The following OSBPL10 variants were observed in gnomAD, a reference collection of about 807,000 sequenced individuals.
OSBPL10 encodes oxysterol-binding protein-related protein 10.
OSBPL10 carries 49 observed loss-of-function variants against 81.7 expected under a neutral mutation model. That is an observed-to-expected ratio of 0.60 (90% CI 0.48 to 0.76). The LOEUF is 0.76. OSBPL10 is among the 30% of genes least tolerant of loss of function. The probability of loss-of-function intolerance (pLI) is 0.00; values close to 1 mark genes in which losing one functional copy is unlikely to be tolerated. For synonymous variants in OSBPL10, 419 were observed against 383.6 expected, an observed-to-expected ratio of 1.09 and a Z score of -1.08; for missense variants, 923 against 987.8, an observed-to-expected ratio of 0.93 and a Z score of 0.88.
intron 3 of OSBPL10, among the ~76,000 whole-genome samples, chr3:31,868,058 GA>G (rs772268332): frequency 1.6e-3 from 225 of 141,534 alleles, no homozygotes; most frequent in Admixed American, 2.5e-3. Context: ...GAACGTACAA[GA>G]AAAAAAAAAA....
At chr3:31,714,460 G>T (rs1454304803) in intron 6 of OSBPL10, among the ~76,000 whole-genome samples, 1 of 152,126 alleles carries the variant, frequency 6.6e-6, no homozygotes, top group Admixed American at 6.5e-5. Flanking sequence ...GAGGCAGCGG[G>T]GTGGAGTGAG....
chr3:32,069,970 G>A (rs1034736467), intron 1 of OSBPL10, among the ~76,000 whole-genome samples: 6 of 152,154 alleles, frequency 3.9e-5, no homozygotes, highest in Non-Finnish European at 7.3e-5. Flanking sequence ...CTGGAGGTTG[G>A]ACTCTCCGAC....
intron 6 of OSBPL10, among the ~76,000 whole-genome samples, chr3:31,712,234 C>T (rs1461987446): frequency 1.3e-5 from 2 of 152,222 alleles, no homozygotes; most frequent in South Asian, 2.1e-4. Context: ...CAAGTTCAGC[C>T]TTCTCCCCTG....
At chr3:31,749,792 G>A (rs1000712940) in intron 4 of OSBPL10, among the ~76,000 whole-genome samples, 4 of 152,018 alleles carry the variant, frequency 2.6e-5, no homozygotes, top group Non-Finnish European at 5.9e-5. Context: ...TCCAGCCTGG[G>A]TGACAGAGTG....
chr3:31,886,670 G>A (rs759293481), intron 1 of OSBPL10, among the ~76,000 whole-genome samples: 2 of 152,168 alleles, frequency 1.3e-5, no homozygotes, highest in Non-Finnish European at 2.9e-5. Flanking sequence ...GGCCGGATGC[G>A]GTGGATCACG....
At chr3:31,681,819 A>G (rs556182034) in intron 8 of OSBPL10, among the ~76,000 whole-genome samples, 1 of 152,228 alleles carries the variant, frequency 6.6e-6, no homozygotes, top group South Asian at 2.1e-4. Context: ...TAAATATTTT[A>G]TCTCAGCCAG....
At chr3:31,912,021 G>C in intron 1 of OSBPL10, among the ~76,000 whole-genome samples, 1 of 151,692 alleles carries the variant, frequency 6.6e-6, no homozygotes, top group Non-Finnish European at 1.5e-5. Context: ...TTAATGCCAC[G>C]GTACAGTATG....
intron 4 of OSBPL10, among the ~76,000 whole-genome samples, chr3:31,792,524 G>A (rs1699040854): frequency 6.6e-6 from 1 of 152,144 alleles, no homozygotes; most frequent in African/African-American, 2.4e-5. Context: ...TTTCTGTTTT[G>A]TTGCAGCGGG....
intron 1 of OSBPL10, chr3:32,077,394 A>C (rs1445283423): frequency 6.6e-6 from 1 of 152,210 alleles, no homozygotes; most frequent in Non-Finnish European, 1.5e-5. Context: ...TTATCACATT[A>C]CCTCTCTAAA....
chr3:31,925,846 G>A (rs1007072796), intron 1 of OSBPL10, among the ~76,000 whole-genome samples: 6 of 152,102 alleles, frequency 3.9e-5, no homozygotes, highest in Admixed American at 2.0e-4. Context: ...TAATTATGCC[G>A]GGACAAGAAG....
intron 4 of OSBPL10, among the ~76,000 whole-genome samples, chr3:31,751,073 A>G (rs1697702065): frequency 6.6e-6 from 1 of 152,112 alleles, no homozygotes; most frequent in South Asian, 2.1e-4. Flanking sequence ...TGGGAGGCCA[A>G]GGAGGGCAGA....
At chr3:31,886,222 AAAC>A in intron 1 of OSBPL10, among the ~76,000 whole-genome samples, 1 of 152,274 alleles carries the variant, frequency 6.6e-6, no homozygotes, top group South Asian at 2.1e-4. Context: ...GTGAAAATTA[AAAC>A]AACAAGCATA....
intron 3 of OSBPL10, among the ~76,000 whole-genome samples, chr3:31,831,730 C>T (rs1700247188): frequency 6.6e-6 from 1 of 152,192 alleles, no homozygotes; most frequent in African/African-American, 2.4e-5. Context: ...ATTCAAAAGT[C>T]TGAGTACACA....
At chr3:31,937,849 A>G (rs999387207) in intron 1 of OSBPL10, among the ~76,000 whole-genome samples, 1 of 152,104 alleles carries the variant, frequency 6.6e-6, no homozygotes, top group Non-Finnish European at 1.5e-5. Context: ...CAATCATTCT[A>G]TCTCATTCGC....
chr3:31,915,523 C>T lies in OSBPL10; in HGVS notation c.282-35693G>A, dbSNP rs113005628. Among the ~76,000 whole-genome samples, 207 of 152,194 alleles carry T rather than the reference C, an allele frequency of 1.4e-3. No homozygotes were observed. The Middle Eastern group carries it at 0.041, about 30-fold the overall frequency. On this transcript the variant is annotated intron_variant, in intron 1 of 11. Transcript: ENST00000396556. ...AATGCAGGAACAGAAAACCAAATGC[C>T]GCATATTCTCACTTATATGTGTAAG... is the stretch of plus-strand genomic sequence containing the variant.
At chr3:31,831,621 C>T (rs1700243504) in intron 3 of OSBPL10, among the ~76,000 whole-genome samples, 1 of 152,114 alleles carries the variant, frequency 6.6e-6, no homozygotes, top group Non-Finnish European at 1.5e-5. Context: ...ATATAAATGG[C>T]TTTTAACACA....
chr3:31,751,077 G>A (rs1328926438), intron 4 of OSBPL10, among the ~76,000 whole-genome samples: 1 of 152,114 alleles, frequency 6.6e-6, no homozygotes, highest in Admixed American at 6.5e-5. Flanking sequence ...AGGCCAAGGA[G>A]GGCAGATCAC....
intron 8 of OSBPL10, among the ~76,000 whole-genome samples, chr3:31,674,928 T>G (rs1700426832): frequency 6.6e-6 from 1 of 152,234 alleles, no homozygotes; most frequent in Non-Finnish European, 1.5e-5. Context: ...CTGAGCATGT[T>G]TCAGATAGGC....
chr3:31,830,344 G>T, intron 3 of OSBPL10, 113 bp from the exon 4 acceptor site: 2 of 1,111,064 alleles, frequency 1.8e-6, no homozygotes, highest in Non-Finnish European at 2.5e-6. Context: ...TCTTTAGGGA[G>T]CTGAAGGTAT....
Sources: gnomAD v4.1 joint callset for allele counts (sites outside exome capture counted in the v4.1 genomes callset) on GRCh38, gnomAD v4.1.1 for gene constraint, MANE v1.5 for transcripts, NCBI Gene and HGNC (gene_info 2026-07-23, HGNC 2026-07-21) for gene names.